Variants in FBXL2 observed in about 807,000 individuals in gnomAD.
FBXL2 encodes F-box and leucine rich repeat protein 2.
FBXL2 carries 38 observed loss-of-function variants against 69.2 expected under a neutral mutation model. That is an observed-to-expected ratio of 0.55 (90% CI 0.42 to 0.72). The LOEUF (loss-of-function observed/expected upper bound fraction) is 0.72. FBXL2 is among the 30% of genes least tolerant of loss of function. The pLI is 0.00. For missense variants in FBXL2, 354 were observed against 520.3 expected, an observed-to-expected ratio of 0.68 and a Z score of 3.11; for synonymous variants, 192 against 201.3, an observed-to-expected ratio of 0.95 and a Z score of 0.39.
chr3:33,402,848 C>T (rs370036966), intron 12 of FBXL2: 23 of 1,608,096 alleles, frequency 1.4e-5, no homozygotes, highest in Non-Finnish European at 2.0e-5. Context: ...TGAAAGTGGG[C>T]GCTGGGGAAG....
chr3:33,295,923 C>G (rs1021956357), intron 1 of FBXL2, among the ~76,000 whole-genome samples: 1 of 152,098 alleles, frequency 6.6e-6, no homozygotes, highest in African/African-American at 2.4e-5. Context: ...ATTGGGTTGT[C>G]TTTTATTGAG....
intron 2 of FBXL2, among the ~76,000 whole-genome samples, chr3:33,298,861 A>C (rs1389934269): frequency 2.0e-5 from 3 of 151,950 alleles, no homozygotes; most frequent in Non-Finnish European, 4.4e-5. Flanking sequence ...CAGAAACCAG[A>C]TTTTGTGATC....
chr3:33,401,047 G>T (rs771014727), intron 12 of FBXL2: 6 of 1,566,798 alleles, frequency 3.8e-6, no homozygotes, highest in Admixed American at 3.9e-5. Context: ...AGGAAATGAT[G>T]ATTTTTATAA....
intron 11 of FBXL2, 128 bp from the exon 12 acceptor site, chr3:33,377,975 G>T: frequency 1.1e-6 from 1 of 876,972 alleles, no homozygotes; most frequent in South Asian, 1.4e-5. Context: ...GTAGCTTTAG[G>T]AAGAGGGCAT....
At chr3:33,384,315 CT>C (rs1253564780) in intron 14 of FBXL2, 114 bp downstream of exon 14, 30 of 1,002,000 alleles carry the variant, frequency 3.0e-5, no homozygotes, top group Non-Finnish European at 4.1e-5. Context: ...AATCCCAACA[CT>C]TTCAGAAGCC....
chr3:33,279,239 G>A (rs1015344113), intron 1 of FBXL2, among the ~76,000 whole-genome samples: 17 of 152,046 alleles, frequency 1.1e-4, no homozygotes, highest in Admixed American at 7.2e-4. Flanking sequence ...GGGATGAAGC[G>A]GCTGCATATA....
At chr3:33,409,685 A>G in the FBXL2 span, 795 of 1,520,994 alleles carry the variant, frequency 5.2e-4, no homozygotes, top group Non-Finnish European at 6.6e-4. Flanking sequence ...GTGACCTGAC[A>G]CCACTATAAA....
chr3:33,303,839 A>T (rs2125737172), intron 2 of FBXL2, among the ~76,000 whole-genome samples: 1 of 152,204 alleles, frequency 6.6e-6, no homozygotes, highest in African/African-American at 2.4e-5. Flanking sequence ...CACTAACAAA[A>T]GAAGAAATAC....
chr3:33,304,189 A>G (rs2036521952), intron 2 of FBXL2, among the ~76,000 whole-genome samples: 1 of 152,106 alleles, frequency 6.6e-6, no homozygotes, highest in Non-Finnish European at 1.5e-5. Context: ...TTGGTTAATG[A>G]TACATTTTAC....
At position 33,295,518 on chromosome 3, in the gene FBXL2, T is replaced by C. The variant is rs370484702; in HGVS notation, c.4-2146T>C. ...ACATTTTGTAATTGTTTCCACTATTTGGCTATTAAGAGTAATGCTGCTATG... is the reference window on the plus strand; with the variant it reads ...ACATTTTGTAATTGTTTCCACTATTCGGCTATTAAGAGTAATGCTGCTATG... On this transcript the variant is annotated intron_variant, in intron 1 of 14. Transcript: ENST00000484457. Among the ~76,000 whole-genome samples the C allele has an allele frequency of 1.1e-4, 17 of 152,364 alleles. No individual in the cohort carries two copies. In the South Asian group the frequency reaches 1.7e-3, roughly 15 times the overall value.
At chr3:33,411,489 A>G in the FBXL2 span, 1 of 1,079,022 alleles carries the variant, frequency 9.3e-7, no homozygotes, top group Middle Eastern at 2.0e-4. Context: ...ATAAATAGAC[A>G]TTTAAAGGAA....
intron 2 of FBXL2, among the ~76,000 whole-genome samples, chr3:33,304,530 T>C (rs929443105): frequency 2.0e-5 from 3 of 152,086 alleles, no homozygotes; most frequent in Non-Finnish European, 2.9e-5. Context: ...TGTGTGAATG[T>C]ACTAAAATTT....
At chr3:33,331,342 G>A (rs2039146465) in intron 2 of FBXL2, among the ~76,000 whole-genome samples, 1 of 152,070 alleles carries the variant, frequency 6.6e-6, no homozygotes, top group Non-Finnish European at 1.5e-5. Context: ...CCTAAGATTA[G>A]GCAAAGCAGA....
At chr3:33,384,425 G>A (rs2043273262) in intron 14 of FBXL2, among the ~76,000 whole-genome samples, 1 of 152,156 alleles carries the variant, frequency 6.6e-6, no homozygotes, top group East Asian at 1.9e-4. Context: ...GCCAGGTGTG[G>A]TGGTGGGCAC....
downstream of FBXL2, chr3:33,392,537 T>C: frequency 6.3e-7 from 1 of 1,598,926 alleles, no homozygotes; most frequent in Non-Finnish European, 8.5e-7. Context: ...TTCCAGCATT[T>C]TAAGACACAC....
rs956774545 is a variant in FBXL2, at chr3:33,289,535, G to GA, written c.4-8119dup. 1,107 of 146,690 alleles carry GA rather than the reference G, an allele frequency of 7.5e-3. 11 individuals carry two copies. Among genetic ancestry groups the GA allele is most frequent in the African/African-American group, 0.024 (971 of 39,886 alleles). The allele number at this position is 146,690 out of a possible 1,614,324, so 9.1% of individuals were successfully genotyped here. Reference sequence around the variant, plus strand: ...AAGTAATGAGTGAGCCTTCTCAAGAGAAAAAAAAAAGAGATACATAGGTAC... The same window carrying GA: ...AAGTAATGAGTGAGCCTTCTCAAGAGAAAAAAAAAAAGAGATACATAGGTAC... On this transcript the variant is annotated intron_variant, in intron 1 of 14. Coordinates refer to ENST00000484457, the MANE Select transcript of FBXL2 (RefSeq NM_012157.5).
chr3:33,343,387 C>G (rs1311867784), intron 2 of FBXL2, among the ~76,000 whole-genome samples: 1 of 149,882 alleles, frequency 6.7e-6, no homozygotes, highest in Non-Finnish European at 1.5e-5. Context: ...CCAACTGAAA[C>G]TTCAGCCTAG....
chr3:33,393,538 G>A (rs1045591881), intron 12 of FBXL2: 1 of 1,335,880 alleles, frequency 7.5e-7, no homozygotes, highest in Admixed American at 2.8e-5. Flanking sequence ...TCTGTACGAA[G>A]GTCACACCTT....
At chr3:33,418,682 A>G in the FBXL2 span, among the ~76,000 whole-genome samples, 1 of 151,594 alleles carries the variant, frequency 6.6e-6, no homozygotes, top group Non-Finnish European at 1.5e-5. Flanking sequence ...AACATGGAGA[A>G]ACCTCATCTC....
Sources: allele counts gnomAD v4.1 joint callset (sites outside exome capture counted in the v4.1 genomes callset), GRCh38; gene constraint gnomAD v4.1.1; transcripts MANE v1.5; gene names NCBI Gene and HGNC (gene_info 2026-07-23, HGNC 2026-07-21).